Variants in TRHDE observed in about 807,000 individuals in gnomAD.
The protein encoded by TRHDE is thyrotropin-releasing hormone-degrading ectoenzyme.
A neutral mutation model predicts 125.7 loss-of-function variants in TRHDE; 72 were observed. The ratio of observed to expected loss-of-function variants is 0.57; its 90% CI spans 0.47 to 0.70. The LOEUF (loss-of-function observed/expected upper bound fraction) is 0.70. Among genes scored for constraint, TRHDE ranks in the 30% least tolerant of loss-of-function variants. TRHDE has a pLI of 0.00. For missense variants in TRHDE, 1,110 were observed against 1,327.1 expected (o/e 0.84, Z 2.54); for synonymous variants, 509 against 509.1 (o/e 1.00, Z 0.00).
At chr12:72,623,043 GA>G (rs1388207259) in intron 15 of TRHDE, among the ~76,000 whole-genome samples, 1 of 151,816 alleles carries the variant, frequency 6.6e-6, no homozygotes, top group Non-Finnish European at 1.5e-5. Context: ...AGTCTTCTGG[GA>G]ACTATTTCAT....
Position 72,668,307 on chromosome 12 carries a change from G to T in TRHDE, c.*5112G>T, listed in dbSNP as rs1432471369. On this transcript the variant is annotated 3_prime_UTR_variant, in exon 19 of 19. Transcript: ENST00000261180. Reference sequence around the variant, plus strand: ...TCTTAAATATTTAATAAAAGCAGTTGTTAAAAATATATGTTCTAATGTTAA... The same window carrying T: ...TCTTAAATATTTAATAAAAGCAGTTTTTAAAAATATATGTTCTAATGTTAA... 6.6e-6 allele frequency: 1 copy of T among 151,684 alleles called. No homozygotes were observed. Among genetic ancestry groups the T allele is most frequent in the Non-Finnish European group, 1.5e-5 (1 of 67,738 alleles). 9.4% of individuals were successfully genotyped at this position (151,684 alleles called of 1,614,324 possible). A position where few individuals can be genotyped will look rare whatever the true frequency, so the allele number is the denominator to read the frequency against.
At chr12:72,479,293 A>C (rs1315110058) in intron 5 of TRHDE, among the ~76,000 whole-genome samples, 1 of 152,168 alleles carries the variant, frequency 6.6e-6, no homozygotes, top group Non-Finnish European at 1.5e-5. Flanking sequence ...TCTTATATAA[A>C]AATCAAGACT....
At chr12:72,093,501 T>G (rs1040039096) in intron 1 of TRHDE, among the ~76,000 whole-genome samples, 7 of 152,144 alleles carry the variant, frequency 4.6e-5, no homozygotes, top group African/African-American at 1.7e-4. Context: ...CTAAACTTTT[T>G]TACTCCTTTT....
At chr12:72,427,575 C>T (rs1178824734) in intron 3 of TRHDE, among the ~76,000 whole-genome samples, 2 of 152,004 alleles carry the variant, frequency 1.3e-5, no homozygotes, top group South Asian at 2.1e-4. Flanking sequence ...AGAAAAGTAT[C>T]ACTACATGGG....
chr12:72,275,964 A>T (rs913927020), intron 1 of TRHDE, among the ~76,000 whole-genome samples: 2 of 151,152 alleles, frequency 1.3e-5, no homozygotes, highest in East Asian at 3.9e-4. Flanking sequence ...CTTGTTCTTC[A>T]TTTTTTTTTC....
At chr12:72,545,986 A>C (rs1869396264) in intron 7 of TRHDE, among the ~76,000 whole-genome samples, 1 of 151,626 alleles carries the variant, frequency 6.6e-6, no homozygotes, top group Non-Finnish European at 1.5e-5. Context: ...AGAAGAGCCA[A>C]CATCCTCCTT....
chr12:72,478,173 A>T (rs1186978508), intron 5 of TRHDE, among the ~76,000 whole-genome samples: 1 of 152,182 alleles, frequency 6.6e-6, no homozygotes, highest in African/African-American at 2.4e-5. Flanking sequence ...TTGATATTTT[A>T]TTCTCAAATG....
chr12:72,573,832 G>A (rs959461251), intron 10 of TRHDE, among the ~76,000 whole-genome samples: 1 of 151,956 alleles, frequency 6.6e-6, no homozygotes, highest in Non-Finnish European at 1.5e-5. Context: ...GGAGATATAA[G>A]ATGAACCACT....
At chr12:72,150,644 C>A (rs199632374) in intron 2 of TRHDE, among the ~76,000 whole-genome samples, 4 of 148,314 alleles carry the variant, frequency 2.7e-5, no homozygotes, top group Non-Finnish European at 5.9e-5. Flanking sequence ...TGAGAACATG[C>A]GGTGTTTGGT....
At chr12:72,351,727 C>T (rs1239242888) in intron 2 of TRHDE, among the ~76,000 whole-genome samples, 1 of 151,922 alleles carries the variant, frequency 6.6e-6, no homozygotes. Context: ...TTAGAACCTT[C>T]TTTCCTAAAG....
At chr12:72,339,975 C>G (rs1187007520) in intron 2 of TRHDE, among the ~76,000 whole-genome samples, 1 of 152,190 alleles carries the variant, frequency 6.6e-6, no homozygotes, top group Non-Finnish European at 1.5e-5. Flanking sequence ...TGTGACAACA[C>G]TGAAGAAACT....
At chr12:72,412,178 C>G (rs1025390448) in intron 3 of TRHDE, among the ~76,000 whole-genome samples, 1 of 151,982 alleles carries the variant, frequency 6.6e-6, no homozygotes, top group African/African-American at 2.4e-5. Context: ...TGTGGTAAGA[C>G]AAATTACTTG....
chr12:72,112,478 CT>C (rs1225038179), intron 2 of TRHDE, among the ~76,000 whole-genome samples: 1 of 152,150 alleles, frequency 6.6e-6, no homozygotes, highest in Non-Finnish European at 1.5e-5. Context: ...AAAGTGATGA[CT>C]GCTTTCTCCA....
At chr12:72,479,091 G>T (rs1039941411) in intron 5 of TRHDE, among the ~76,000 whole-genome samples, 1 of 152,028 alleles carries the variant, frequency 6.6e-6, no homozygotes, top group South Asian at 2.1e-4. Context: ...TGTGGCACTG[G>T]TTAACATGGC....
At chr12:72,463,492 G>C (rs772454256) in intron 3 of TRHDE, among the ~76,000 whole-genome samples, 1 of 152,200 alleles carries the variant, frequency 6.6e-6, no homozygotes, top group Non-Finnish European at 1.5e-5. Context: ...TAGGCAAAAG[G>C]AAAAGTATGA....
At chr12:72,336,397 C>A (rs928518918) in intron 2 of TRHDE, among the ~76,000 whole-genome samples, 1 of 152,164 alleles carries the variant, frequency 6.6e-6, no homozygotes. Context: ...TATATTTAAT[C>A]AGCTCAAGGA....
intron 2 of TRHDE, chr12:72,254,763 C>G (rs1345918227): frequency 6.6e-6 from 1 of 152,168 alleles, no homozygotes; most frequent in Non-Finnish European, 1.5e-5. Context: ...TTCTAGAACC[C>G]ATCCCCTCTC....
chr12:72,639,423 T>C (rs1353912613), intron 15 of TRHDE, among the ~76,000 whole-genome samples: 1 of 152,158 alleles, frequency 6.6e-6, no homozygotes, highest in Non-Finnish European at 1.5e-5. Context: ...TTTTTCAAAG[T>C]TTTAAACTTC....
chr12:72,376,264 C>T (rs1004098854), intron 2 of TRHDE, among the ~76,000 whole-genome samples: 22 of 152,154 alleles, frequency 1.4e-4, no homozygotes, highest in Non-Finnish European at 2.5e-4. Flanking sequence ...CCTCCATTTT[C>T]CTGCTTCCCC....
Sources: allele counts gnomAD v4.1 joint callset (sites outside exome capture counted in the v4.1 genomes callset), GRCh38; gene constraint gnomAD v4.1.1; transcripts MANE v1.5; gene names NCBI Gene and HGNC (gene_info 2026-07-23, HGNC 2026-07-21).